AGBL1: variants seen among roughly 807,000 people sequenced by gnomAD.
The protein encoded by AGBL1 is AGBL carboxypeptidase 1.
Under a neutral mutation model 118.9 loss-of-function variants are expected in AGBL1, and 130 were observed. The ratio of observed to expected loss-of-function variants is 1.09; its 90% CI spans 0.95 to 1.26. The LOEUF (loss-of-function observed/expected upper bound fraction) is 1.26, where lower values mean the gene tolerates loss of function less well. AGBL1 is among the 50% of genes most tolerant of loss of function. The pLI is 0.00. For missense variants in AGBL1, 1,584 were observed against 1,298.1 expected (o/e 1.22, Z -3.38); for synonymous variants, 555 against 478.9 (o/e 1.16, Z -2.08).
chr15:86,109,853 G>T (rs1159234473), intron 1 of AGBL1: 3 of 152,206 alleles, frequency 2.0e-5, no homozygotes, highest in African/African-American at 7.2e-5. Flanking sequence ...TGCACAGGTC[G>T]TGATGCTCCT....
chr15:86,973,817 C>A (rs1263717602), intron 23 of AGBL1, among the ~76,000 whole-genome samples: 1 of 150,152 alleles, frequency 6.7e-6, no homozygotes, highest in Non-Finnish European at 1.5e-5. Context: ...CATTGAAAAG[C>A]AGAATTATAA....
chr15:86,567,831 G>A (rs1377139883), intron 21 of AGBL1, among the ~76,000 whole-genome samples: 2 of 152,076 alleles, frequency 1.3e-5, no homozygotes. Context: ...TTGATCTGGG[G>A]CATGGTCCAG....
intron 22 of AGBL1, among the ~76,000 whole-genome samples, chr15:86,819,945 T>C (rs1270917416): frequency 6.6e-6 from 1 of 152,042 alleles, no homozygotes; most frequent in Non-Finnish European, 1.5e-5. Context: ...AAAACAGATA[T>C]ATAGACCAAT....
intron 20 of AGBL1, among the ~76,000 whole-genome samples, chr15:86,551,230 T>C (rs975851123): frequency 6.6e-6 from 1 of 152,012 alleles, no homozygotes; most frequent in African/African-American, 2.4e-5. Context: ...AAGCCAAAGT[T>C]AGATCAATGA....
chr15:87,010,241 C>T (rs1456163529), intron 24 of AGBL1, among the ~76,000 whole-genome samples: 1 of 152,056 alleles, frequency 6.6e-6, no homozygotes, highest in East Asian at 1.9e-4. Flanking sequence ...CTCATGAGAC[C>T]TGATGGTTTT....
intron 1 of AGBL1, among the ~76,000 whole-genome samples, chr15:86,090,583 T>C (rs920388648): frequency 6.6e-6 from 1 of 152,216 alleles, no homozygotes; most frequent in Non-Finnish European, 1.5e-5. Flanking sequence ...GTGATAGTTA[T>C]ATCATTTTTT....
intron 1 of AGBL1, among the ~76,000 whole-genome samples, chr15:86,105,628 G>A (rs1228255492): frequency 6.6e-6 from 1 of 152,198 alleles, no homozygotes; most frequent in South Asian, 2.1e-4. Flanking sequence ...AGGAAAGAGA[G>A]GCCTTTACTC....
At chr15:86,126,598 T>C (rs1898447290) in intron 1 of AGBL1, among the ~76,000 whole-genome samples, 1 of 152,242 alleles carries the variant, frequency 6.6e-6, no homozygotes, top group African/African-American at 2.4e-5. Flanking sequence ...ATTATCCATA[T>C]ACTCTTATCC....
chr15:86,584,978 C>G (rs1438187102), intron 21 of AGBL1, among the ~76,000 whole-genome samples: 10 of 152,016 alleles, frequency 6.6e-5, no homozygotes, highest in Admixed American at 6.6e-4. Context: ...TGATTTGGCT[C>G]TCAGCTTGAA....
At chr15:86,787,546 T>C (rs986659699) in intron 22 of AGBL1, among the ~76,000 whole-genome samples, 18 of 152,216 alleles carry the variant, frequency 1.2e-4, no homozygotes, top group African/African-American at 2.9e-4. Flanking sequence ...CTAGCTTTTT[T>C]CCCTTAGCAT....
intron 1 of AGBL1, among the ~76,000 whole-genome samples, chr15:86,122,426 A>G (rs1898144643): frequency 6.6e-6 from 1 of 152,206 alleles, no homozygotes; most frequent in Non-Finnish European, 1.5e-5. Context: ...TGTGGGCTAG[A>G]CATAGTGACT....
At chr15:86,426,975 A>G (rs1047771056) in intron 18 of AGBL1, among the ~76,000 whole-genome samples, 1 of 152,140 alleles carries the variant, frequency 6.6e-6, no homozygotes, top group Non-Finnish European at 1.5e-5. Context: ...CCTGTTGACC[A>G]GGCTGGTCTT....
intron 22 of AGBL1, among the ~76,000 whole-genome samples, chr15:86,745,528 T>A (rs1229469592): frequency 3.3e-5 from 5 of 152,048 alleles, no homozygotes; most frequent in African/African-American, 4.8e-5. Context: ...CTGGACCTTA[T>A]GTAGGAACCA....
chr15:86,807,527 T>C (rs941889362), intron 22 of AGBL1, among the ~76,000 whole-genome samples: 2 of 152,046 alleles, frequency 1.3e-5, no homozygotes, highest in Non-Finnish European at 2.9e-5. Context: ...AAAAGTGGAA[T>C]TGGAACCTGT....
intron 5 of AGBL1, among the ~76,000 whole-genome samples, chr15:86,182,283 C>T (rs1255869467): frequency 6.6e-6 from 1 of 151,902 alleles, no homozygotes; most frequent in African/African-American, 2.4e-5. Flanking sequence ...TCCTCCCTTC[C>T]TCTCTTCTTC....
At chr15:86,732,089 C>T (rs1370263284) in intron 22 of AGBL1, among the ~76,000 whole-genome samples, 2 of 152,168 alleles carry the variant, frequency 1.3e-5, no homozygotes, top group African/African-American at 4.8e-5. Flanking sequence ...GCTACTGAGG[C>T]ACAGCAAGAT....
intron 15 of AGBL1, among the ~76,000 whole-genome samples, chr15:86,278,316 C>T (rs2079290802): frequency 6.6e-6 from 1 of 152,092 alleles, no homozygotes; most frequent in Non-Finnish European, 1.5e-5. Context: ...TTACAGGGTA[C>T]CCTCCTTTCC....
chr15:86,893,290 C>A (rs1567227337), intron 22 of AGBL1, among the ~76,000 whole-genome samples: 1 of 152,132 alleles, frequency 6.6e-6, no homozygotes, highest in Non-Finnish European at 1.5e-5. Context: ...CTCTTGAGGT[C>A]TGGCATTCAC....
chr15:86,971,742 A>G (rs1390984344), intron 23 of AGBL1, among the ~76,000 whole-genome samples: 1 of 151,942 alleles, frequency 6.6e-6, no homozygotes, highest in Admixed American at 6.6e-5. Flanking sequence ...ACTAATTGAT[A>G]TGGTTAGGCT....
Sources: gnomAD v4.1 joint callset for allele counts (sites outside exome capture counted in the v4.1 genomes callset) on GRCh38, gnomAD v4.1.1 for gene constraint, MANE v1.5 for transcripts, NCBI Gene and HGNC (gene_info 2026-07-23, HGNC 2026-07-21) for gene names.